The following LRCH2 variants were observed in gnomAD, a reference collection of about 807,000 sequenced individuals.
LRCH2 encodes leucine rich repeats and calponin homology domain containing 2.
A neutral mutation model predicts 68.9 loss-of-function variants in LRCH2; 38 were observed. That is an observed-to-expected ratio of 0.55 (90% CI 0.43 to 0.72). LRCH2 has a LOEUF of 0.72. Among genes scored for constraint, LRCH2 ranks in the 30% least tolerant of loss-of-function variants. The probability of loss-of-function intolerance (pLI) is 0.00; values close to 1 mark genes in which losing one functional copy is unlikely to be tolerated. For missense variants in LRCH2, 528 were observed against 572.9 expected (o/e 0.92, Z 0.80); for synonymous variants, 191 against 208.1 (o/e 0.92, Z 0.71).
At chrX:115,175,786 T>C (rs1341785411) in intron 5 of LRCH2, among the ~76,000 whole-genome samples, 2 of 112,482 alleles carry the variant, frequency 1.8e-5, no homozygotes, top group African/African-American at 6.5e-5. Context: ...ATATGCCTTG[T>C]CCTATCCTTC....
At position 115,200,176 on chromosome X, in the gene LRCH2, A is replaced by G. The variant is rs2072920247; in HGVS notation, c.350-11806T>C. ...GGGAAATTTGTAGCATTAAATGCCT[A>G]TTATCAAAAAAAAGAAAGATTACAA... is the stretch of plus-strand genomic sequence containing the variant. On this transcript the variant is annotated intron_variant, in intron 1 of 20. Transcript: ENST00000317135. Among the ~76,000 whole-genome samples, 2 of 111,742 alleles carry G rather than the reference A, an allele frequency of 1.8e-5. 1 individual carries two copies. Among genetic ancestry groups the G allele is most frequent in the African/African-American group, 6.5e-5 (2 of 30,785 alleles).
At chrX:115,157,012 T>C (rs2072480123) in intron 11 of LRCH2, among the ~76,000 whole-genome samples, 1 of 111,181 alleles carries the variant, frequency 9.0e-6, no homozygotes, top group African/African-American at 3.3e-5. Context: ...GCACAGCAAA[T>C]GATATGAGGT....
intron 1 of LRCH2, chrX:115,193,008 T>C (rs1475687796): frequency 4.8e-6 from 1 of 209,098 alleles, no homozygotes; most frequent in Non-Finnish European, 9.1e-6. Flanking sequence ...GAAAAATGGA[T>C]CATTCTGCTC....
At chrX:115,190,616 A>ACAGAGGCCGCTCGCCCAACGCCCACAG (rs1244578337) in intron 1 of LRCH2, 16 of 229,000 alleles carry the variant, frequency 7.0e-5, no homozygotes, top group African/African-American at 2.6e-4. Context: ...TACGAGGAGT[A>ACAGAGGCCGCTCGCCCAACGCCCACAG]CAGAGGCCGC....
chrX:115,207,782 GTTATC>G (rs1325582374), intron 1 of LRCH2, among the ~76,000 whole-genome samples: 1 of 112,117 alleles, frequency 8.9e-6, no homozygotes, highest in Non-Finnish European at 1.9e-5. Context: ...ATCTGTGAGT[GTTATC>G]TTATATGCTA....
intron 3 of LRCH2, 113 bp downstream of exon 3, chrX:115,184,298 C>T (rs936118547): frequency 2.2e-5 from 13 of 592,834 alleles, no homozygotes; most frequent in Non-Finnish European, 3.1e-5. Context: ...AGACATATAC[C>T]AAGTTAGTAC....
chrX:115,145,529 G>C (rs1163251998), intron 14 of LRCH2, among the ~76,000 whole-genome samples: 2 of 111,101 alleles, frequency 1.8e-5, no homozygotes, highest in Non-Finnish European at 3.8e-5. Flanking sequence ...GGAAATATCT[G>C]CAAACTACCC....
intron 2 of LRCH2, 23 bp from the exon 3 acceptor site, chrX:115,184,560 A>G: frequency 9.0e-7 from 1 of 1,115,423 alleles, no homozygotes; most frequent in Non-Finnish European, 1.2e-6. Context: ...AGAAAGTTTC[A>G]TTACGAGAAT....
chrX:115,190,341 C>T, intron 1 of LRCH2: 3 of 1,160,054 alleles, frequency 2.6e-6, no homozygotes, highest in Middle Eastern at 2.4e-4. Flanking sequence ...AAGGCTCCTA[C>T]CGAGAGCCCC....
rs781794775 is a variant in LRCH2, at chrX:115,152,638, C to A, written c.1530-2568G>T. Among the ~76,000 whole-genome samples, 43 of 111,322 alleles carry A rather than the reference C, an allele frequency of 3.9e-4. No homozygotes were observed. In the Middle Eastern group the frequency reaches 0.014, roughly 37 times the overall value. ...TAGAACATCAATGTTCCATGGCAAA[C>A]TTCAAGTGGCCTAATTGGAGTTCCA... On this transcript the variant is annotated intron_variant, in intron 12 of 20. Coordinates refer to ENST00000317135, the MANE Select transcript of LRCH2 (RefSeq NM_020871.4).
intron 1 of LRCH2, among the ~76,000 whole-genome samples, chrX:115,194,244 A>G (rs1282204240): frequency 9.0e-6 from 1 of 111,609 alleles, no homozygotes; most frequent in Non-Finnish European, 1.9e-5. Flanking sequence ...GAAAATTTCT[A>G]TTCTTCCTCC....
At chrX:115,227,550 T>C (rs1209511511) in intron 1 of LRCH2, among the ~76,000 whole-genome samples, 3 of 110,043 alleles carry the variant, frequency 2.7e-5, no homozygotes, top group African/African-American at 9.9e-5. Flanking sequence ...TTTAATTTAC[T>C]ATTTCTAATT....
At chrX:115,172,858 T>C (rs2072615314) in intron 5 of LRCH2, among the ~76,000 whole-genome samples, 1 of 107,440 alleles carries the variant, frequency 9.3e-6, no homozygotes, top group Middle Eastern at 4.8e-3. Flanking sequence ...AGAATTCCCC[T>C]TTTTTTAGTT....
intron 1 of LRCH2, chrX:115,192,730 A>G (rs1362137136): frequency 9.5e-6 from 9 of 949,373 alleles, no homozygotes; most frequent in African/African-American, 7.8e-5. Context: ...AAGGACTAGT[A>G]TAAGTAGGAG....
At chrX:115,232,109 G>A (rs1048391734) in intron 1 of LRCH2, among the ~76,000 whole-genome samples, 1 of 111,061 alleles carries the variant, frequency 9.0e-6, no homozygotes, top group South Asian at 3.8e-4. Context: ...TGGAAGAGAG[G>A]ATTCTATGTG....
rs781918921 is a variant in LRCH2 at position 115,135,595 on chromosome X, T to A, written c.1696-5396A>T. Among the ~76,000 whole-genome samples the A allele has an allele frequency of 4.5e-5, 5 of 112,135 alleles. No individual in the cohort carries two copies. The South Asian group carries it at 1.8e-3, about 41-fold the overall frequency. The stretch of plus-strand genomic sequence containing the variant: ...CACTGTTGAAATGACAACAAATGAT[T>A]TACAATGTGACATACCCTTATTTGA... On this transcript the variant is annotated intron_variant, in intron 14 of 20. Transcript: ENST00000317135.
At position 115,191,375 on chromosome X, in the gene LRCH2, G is replaced by A. The variant is rs868989271; in HGVS notation, c.350-3005C>T. The A allele has an allele frequency of 7.3e-5, 84 of 1,145,776 alleles. No homozygotes were observed. The African/African-American group carries it at 7.8e-4, about 11-fold the overall frequency. The allele number at this position is 1,145,776 out of a possible 1,213,427, so 94.4% of individuals were successfully genotyped here. A position where few individuals can be genotyped will look rare whatever the true frequency, so the allele number is the denominator to read the frequency against. ...TCCCTTGATGCCAACAGTGGAGGCC[G>A]CTCGCCTGATGCCTACAGTGGGGGC... On this transcript the variant is annotated intron_variant, in intron 1 of 20. Coordinates refer to ENST00000317135, the MANE Select transcript of LRCH2 (RefSeq NM_020871.4).
At chrX:115,136,340 T>C (rs1389690632) in intron 14 of LRCH2, among the ~76,000 whole-genome samples, 2 of 111,704 alleles carry the variant, frequency 1.8e-5, no homozygotes, top group African/African-American at 3.2e-5. Flanking sequence ...TTCCCTTACA[T>C]AAAATGGCAC....
rs1556544107 is a variant in LRCH2 at position 115,165,412 on chromosome X, C to T, written c.1348G>A (p.Glu450Lys). 8.9e-7 allele frequency: 1 copy of T among 1,120,594 alleles called. No individual in the cohort carries two copies. The highest frequency in any genetic ancestry group is 3.3e-4 in the Middle Eastern group (1 of 3,062). The allele number at this position is 1,120,594 out of a possible 1,213,427, so 92.3% of individuals were successfully genotyped here. A position where few individuals can be genotyped will look rare whatever the true frequency, so the allele number is the denominator to read the frequency against. The change falls in exon 10 of 21, where the codon GAA (glutamate) becomes AAA (lysine). Residue 450 changes from glutamate (E) to lysine (K), a missense_variant. By Grantham distance (56) the Glu-to-Lys change is moderately conservative. Transcript: ENST00000317135. ...KSRKNEELGDEKRLEKEQLLA... is the reference protein window; with the variant it reads ...KSRKNEELGDKKRLEKEQLLA... ...ATTTTCATATGTGCTTACCTTTTTT[C>T]ATCTCCTAATTCTTCATTTTTCCGA...
Sources: gnomAD v4.1 joint callset for allele counts (sites outside exome capture counted in the v4.1 genomes callset) on GRCh38, gnomAD v4.1.1 for gene constraint, MANE v1.5 for transcripts, NCBI Gene and HGNC (gene_info 2026-07-23, HGNC 2026-07-21) for gene names.